Variants in HSPA14 observed in about 807,000 individuals in gnomAD.
The protein encoded by HSPA14 is heat shock 70 kDa protein 14.
Under a neutral mutation model 65.5 loss-of-function variants are expected in HSPA14, and 37 were observed. The ratio of observed to expected loss-of-function variants is 0.56; its 90% CI spans 0.43 to 0.74. The LOEUF is 0.74. HSPA14 is among the 30% of genes least tolerant of loss of function. The pLI is 0.00. For missense variants in HSPA14, 564 were observed against 607.6 expected (o/e 0.93, Z 0.75); for synonymous variants, 203 against 214.2 (o/e 0.95, Z 0.46).
At chr10:14,856,789 G>T (rs1206619322) in intron 10 of HSPA14, among the ~76,000 whole-genome samples, 1 of 152,118 alleles carries the variant, frequency 6.6e-6, no homozygotes, top group Non-Finnish European at 1.5e-5. Flanking sequence ...GGCCCAGGGG[G>T]TCAGGGCTGC....
At chr10:14,838,598 G>T in intron 1 of HSPA14, 139 bp downstream of exon 1, 1 of 818,878 alleles carries the variant, frequency 1.2e-6, no homozygotes, top group Non-Finnish European at 1.8e-6. Context: ...ACACTCCGGA[G>T]CGAAGGGCCG....
chr10:14,843,853 G>A, intron 3 of HSPA14: 1 of 1,536,402 alleles, frequency 6.5e-7, no homozygotes, highest in Non-Finnish European at 8.7e-7. Context: ...GCTAGGCCTT[G>A]AAAAATTGCT....
Position 14,842,267 on chromosome 10 carries a change from C to A in HSPA14, c.221+2110C>A. The A allele has an allele frequency of 2.0e-6, 3 of 1,535,024 alleles. No individual in the cohort carries two copies. The South Asian group carries it at 3.6e-5, about 18-fold the overall frequency. On this transcript the variant is annotated intron_variant, in intron 3 of 13. Transcript: ENST00000378372. The surrounding 1 kb of genome is among the most constrained non-coding windows in gnomAD (Gnocchi z 5.2). Reference sequence around the variant, plus strand: ...CCTTGCTGTCCAGAAGCTGCCTAGCCCTCCTTTCCAACCCACAATGGCCAG... The same window carrying A: ...CCTTGCTGTCCAGAAGCTGCCTAGCACTCCTTTCCAACCCACAATGGCCAG...
At chr10:14,855,098 T>G (rs1035222879) in intron 9 of HSPA14, among the ~76,000 whole-genome samples, 2 of 152,238 alleles carry the variant, frequency 1.3e-5, no homozygotes, top group African/African-American at 4.8e-5. Flanking sequence ...GTCCTCGGTA[T>G]ATATTTGCTT....
chr10:14,847,360 CTT>C, intron 3 of HSPA14, among the ~76,000 whole-genome samples: 1 of 152,274 alleles, frequency 6.6e-6, no homozygotes, highest in South Asian at 2.1e-4. Flanking sequence ...TATGAGCACA[CTT>C]TATCTATTTT....
rs1171685884 is a variant in HSPA14, at chr10:14,838,343, C to T, written c.-60C>T. ...GGTGCCTGATGGGGCCGTTGGGCGGCCGGTAGCTGTTGCTGTTGGGGGACC... is the reference window on the plus strand; with the variant it reads ...GGTGCCTGATGGGGCCGTTGGGCGGTCGGTAGCTGTTGCTGTTGGGGGACC... On this transcript the variant is annotated 5_prime_UTR_variant, in exon 1 of 14. Coordinates refer to ENST00000378372, the MANE Select transcript of HSPA14 (RefSeq NM_016299.4). The T allele has an allele frequency of 6.6e-6, 10 of 1,517,068 alleles. No homozygotes were observed. The highest frequency in any genetic ancestry group is 8.9e-6 in the Non-Finnish European group (10 of 1,120,432). The allele number at this position is 1,517,068 out of a possible 1,614,324, so 94.0% of individuals were successfully genotyped here. A position where few individuals can be genotyped will look rare whatever the true frequency, so the allele number is the denominator to read the frequency against.
chr10:14,854,049 G>C (rs576928152), intron 8 of HSPA14, 76 bp from the exon 9 acceptor site: 1 of 1,351,358 alleles, frequency 7.4e-7, no homozygotes, highest in South Asian at 1.4e-5. Flanking sequence ...TTTTAATAAG[G>C]ATTATCCAGA....
At chr10:14,852,776 A>G (rs1202652598) in intron 8 of HSPA14, among the ~76,000 whole-genome samples, 2 of 152,178 alleles carry the variant, frequency 1.3e-5, no homozygotes, top group Admixed American at 1.3e-4. Flanking sequence ...ACCGTCAGAT[A>G]CTGAACTGCA....
chr10:14,869,939 T>A (rs79341136), intron 12 of HSPA14, among the ~76,000 whole-genome samples: 14,924 of 152,224 alleles, frequency 0.098, 863 homozygotes, highest in South Asian at 0.21. Flanking sequence ...CTTTCAGAGT[T>A]CCCATCTGTT....
chr10:14,854,215 G>A lies in HSPA14; in HGVS notation c.825G>A (p.Leu275=), dbSNP rs1370263931. The change falls in exon 9 of 14, where the codon TTG becomes TTA. Residue 275 remains leucine, a synonymous_variant. Coordinates refer to ENST00000378372, the MANE Select transcript of HSPA14 (RefSeq NM_016299.4). ...TAGCGAAACATTCTTTGTCAACCTT[G>A]GGAAGTGCCAACTGTTTTCTTGACT... is the stretch of plus-strand genomic sequence containing the variant. ...AEVAKHSLST[L]GSANCFLDSL... The A allele has an allele frequency of 1.9e-6, 3 of 1,613,736 alleles. No homozygotes were observed. Among genetic ancestry groups the A allele is most frequent in the Non-Finnish European group, 2.5e-6 (3 of 1,179,838 alleles).
rs375798936 is a variant in HSPA14, at chr10:14,854,211, C to G, written c.821C>G (p.Thr274Ser). Residue 274 changes from threonine (T) to serine (S), a missense_variant, in exon 9 of 14, where the codon ACC becomes AGC. Physicochemically the swap from Thr to Ser is moderately conservative, Grantham distance 58. Coordinates refer to ENST00000378372, the MANE Select transcript of HSPA14 (RefSeq NM_016299.4). ...GAAGTAGCGAAACATTCTTTGTCAACCTTGGGAAGTGCCAACTGTTTTCTT... is the reference window on the plus strand; with the variant it reads ...GAAGTAGCGAAACATTCTTTGTCAAGCTTGGGAAGTGCCAACTGTTTTCTT... ...SAEVAKHSLS[T>S]LGSANCFLDS... The G allele has an allele frequency of 5.0e-6, 8 of 1,613,576 alleles. No individual in the cohort carries two copies. The highest frequency in any genetic ancestry group is 6.8e-6 in the Non-Finnish European group (8 of 1,179,800).
intron 3 of HSPA14, chr10:14,845,710 T>G (rs1258733668): frequency 1.5e-5 from 3 of 195,958 alleles, no homozygotes; most frequent in Non-Finnish European, 2.8e-5. Context: ...TACAGGTGCA[T>G]GCCAACATGC....
intron 1 of HSPA14, among the ~76,000 whole-genome samples, chr10:14,838,788 TGGGTGTCCCGGGGGGTCCCGGGGACGGC>T (rs1271212200): frequency 5.9e-5 from 9 of 151,670 alleles, no homozygotes; most frequent in African/African-American, 2.2e-4. Context: ...GCGGGGCCGC[TGGGTGTCCCGGGGGGTCCCGGGGACGGC>T]GGGGCTGCGA....
chr10:14,863,541 C>T (rs1048564307), intron 10 of HSPA14, among the ~76,000 whole-genome samples: 2 of 152,172 alleles, frequency 1.3e-5, no homozygotes, highest in Non-Finnish European at 2.9e-5. Flanking sequence ...AGTCCTGTCC[C>T]CTAACCCAGG....
chr10:14,870,572 C>G (rs1832845387), intron 12 of HSPA14, 25 bp from the exon 13 acceptor site: 4 of 1,570,150 alleles, frequency 2.5e-6, no homozygotes, highest in Non-Finnish European at 2.6e-6. Flanking sequence ...GCTGAATTCT[C>G]TTCATATTGT....
At position 14,842,114 on chromosome 10, in the gene HSPA14, A is replaced by G; in HGVS notation, c.221+1957A>G. The G allele has an allele frequency of 6.6e-7, 1 of 1,515,466 alleles. No individual in the cohort carries two copies. The highest frequency in any genetic ancestry group is 2.0e-5 in the Admixed American group (1 of 50,920). 93.9% of individuals were successfully genotyped at this position (1,515,466 alleles called of 1,614,324 possible). On this transcript the variant is annotated intron_variant, in intron 3 of 13. Coordinates refer to ENST00000378372, the MANE Select transcript of HSPA14 (RefSeq NM_016299.4). The surrounding 1 kb of genome is among the most constrained non-coding windows in gnomAD (Gnocchi z 5.2). ...TCCTTACACCCTTCCTGTAACTCTCATTCCCCTGTGGCCTTCCAGCCAGAA... is the reference window on the plus strand; with the variant it reads ...TCCTTACACCCTTCCTGTAACTCTCGTTCCCCTGTGGCCTTCCAGCCAGAA...
chr10:14,858,405 TTAA>T (rs1200217801), intron 10 of HSPA14, among the ~76,000 whole-genome samples: 6 of 152,228 alleles, frequency 3.9e-5, no homozygotes, highest in Admixed American at 2.0e-4. Context: ...TTTTGAGAAC[TTAA>T]TAATAAGAAA....
intron 10 of HSPA14, among the ~76,000 whole-genome samples, chr10:14,862,260 C>T (rs1186113083): frequency 2.6e-5 from 4 of 151,620 alleles, no homozygotes; most frequent in East Asian, 4.0e-4. Context: ...AATCTCCTGA[C>T]CTCGTGATCC....
chr10:14,857,774 T>C (rs531512391), intron 10 of HSPA14, among the ~76,000 whole-genome samples: 7 of 152,338 alleles, frequency 4.6e-5, no homozygotes, highest in Non-Finnish European at 7.3e-5. Flanking sequence ...CTTGGATGTA[T>C]GGCAAATATG....
Sources: allele counts gnomAD v4.1 joint callset (sites outside exome capture counted in the v4.1 genomes callset), GRCh38; gene constraint gnomAD v4.1.1; non-coding constraint Gnocchi (gnomAD v3.1); transcripts MANE v1.5; gene names NCBI Gene and HGNC (gene_info 2026-07-23, HGNC 2026-07-21).